Variants in DPP6 observed in about 807,000 individuals in gnomAD.
The protein encoded by DPP6 is dipeptidyl peptidase like 6, also known as A-type potassium channel modulatory protein DPP6.
In DPP6, 69 loss-of-function variants were observed where a neutral mutation model predicts 122.6. The observed-to-expected ratio is 0.56, with a 90% CI of 0.46 to 0.69. The LOEUF (loss-of-function observed/expected upper bound fraction) is 0.69. Among genes scored for constraint, DPP6 ranks in the 30% least tolerant of loss-of-function variants. The pLI is 0.00. For synonymous variants in DPP6, 418 were observed against 433.1 expected, an observed-to-expected ratio of 0.97 and a Z score of 0.43; for missense variants, 928 against 1,116.9, an observed-to-expected ratio of 0.83 and a Z score of 2.41.
intron 1 of DPP6, among the ~76,000 whole-genome samples, chr7:153,960,195 C>T (rs1236174166): frequency 6.6e-6 from 1 of 152,018 alleles, no homozygotes; most frequent in Non-Finnish European, 1.5e-5. Context: ...TAAAATAAGA[C>T]AACAGTGAGG....
rs367912066 is a variant in DPP6 at position 154,631,607 on chromosome 7, C to T, written c.628-6214C>T. The stretch of plus-strand genomic sequence containing the variant: ...ACTTGAGCATGGGAGGCAGTGGTTG[C>T]GGTGAGCCAAGATTGCACCACTGCA... On this transcript the variant is annotated intron_variant, in intron 5 of 25. Coordinates refer to ENST00000377770, the MANE Select transcript of DPP6 (RefSeq NM_130797.4). Among the ~76,000 whole-genome samples, 5 of 150,520 alleles carry T rather than the reference C, an allele frequency of 3.3e-5. No homozygotes were observed. The East Asian group carries it at 5.9e-4, about 18-fold the overall frequency.
chr7:154,414,491 G>A (rs1816858868), intron 1 of DPP6, among the ~76,000 whole-genome samples: 1 of 152,142 alleles, frequency 6.6e-6, no homozygotes, highest in African/African-American at 2.4e-5. Flanking sequence ...AGCTTCTTAA[G>A]CTGAATCCCA....
chr7:153,798,244 T>C, the DPP6 span, among the ~76,000 whole-genome samples: 34 of 152,286 alleles, frequency 2.2e-4, no homozygotes, highest in African/African-American at 7.0e-4. Context: ...TCCCAATGCA[T>C]TGAAGGTTAG....
chr7:153,827,253 C>T, the DPP6 span, among the ~76,000 whole-genome samples: 1 of 152,150 alleles, frequency 6.6e-6, no homozygotes, highest in Non-Finnish European at 1.5e-5. Flanking sequence ...GAATATATAA[C>T]AGTGTATAAA....
At chr7:154,728,625 G>A (rs1842187273) in intron 8 of DPP6, among the ~76,000 whole-genome samples, 1 of 152,162 alleles carries the variant, frequency 6.6e-6, no homozygotes, top group Admixed American at 6.5e-5. Flanking sequence ...TGTTCAGGCT[G>A]CTGTAACAAG....
At chr7:154,046,979 T>A (rs3980035) in intron 1 of DPP6, among the ~76,000 whole-genome samples, 92,106 of 149,818 alleles carry the variant, frequency 0.61, 28,864 homozygotes, top group African/African-American at 0.7. Flanking sequence ...GCAGGATTTA[T>A]TGAGTTGACA....
At chr7:153,935,618 A>G (rs528188245) in intron 1 of DPP6, among the ~76,000 whole-genome samples, 2 of 152,316 alleles carry the variant, frequency 1.3e-5, no homozygotes, top group African/African-American at 4.8e-5. Context: ...CATTTTGTTT[A>G]TCCTTTACAG....
chr7:154,366,526 G>A (rs1812205655), intron 1 of DPP6, among the ~76,000 whole-genome samples: 1 of 152,196 alleles, frequency 6.6e-6, no homozygotes. Flanking sequence ...AAATGCAGGT[G>A]CCTAGCTTGC....
At chr7:153,981,683 G>A (rs529819811) in intron 1 of DPP6, among the ~76,000 whole-genome samples, 2 of 152,262 alleles carry the variant, frequency 1.3e-5, no homozygotes, top group African/African-American at 4.8e-5. Context: ...GCTGTTACTA[G>A]TTTTCCCTTT....
At chr7:153,767,693 A>G in the DPP6 span, among the ~76,000 whole-genome samples, 1 of 152,134 alleles carries the variant, frequency 6.6e-6, no homozygotes, top group Admixed American at 6.5e-5. Flanking sequence ...AAAAAGTGAG[A>G]AACTTTTAAA....
chr7:154,728,046 G>A (rs1453836843), intron 8 of DPP6, among the ~76,000 whole-genome samples, 159 bp downstream of exon 8: 2 of 152,222 alleles, frequency 1.3e-5, no homozygotes, highest in African/African-American at 4.8e-5. Context: ...GAGCTTTTGG[G>A]ATCAGGCTGA....
intron 1 of DPP6, among the ~76,000 whole-genome samples, chr7:153,915,508 G>A (rs2129004987): frequency 6.6e-6 from 1 of 152,304 alleles, no homozygotes; most frequent in Non-Finnish European, 1.5e-5. Flanking sequence ...TTTAAGAATA[G>A]TTTGCTTCTT....
At chr7:154,074,798 A>G (rs928081232) in intron 1 of DPP6, among the ~76,000 whole-genome samples, 53 of 151,818 alleles carry the variant, frequency 3.5e-4, no homozygotes, top group Middle Eastern at 3.2e-3. Flanking sequence ...TCAGTTTATG[A>G]TTGGTATATG....
chr7:154,217,778 T>C (rs1800085680), intron 1 of DPP6, among the ~76,000 whole-genome samples: 1 of 152,158 alleles, frequency 6.6e-6, no homozygotes, highest in South Asian at 2.1e-4. Context: ...TTCCATGTCC[T>C]GCCCAGCTCA....
At chr7:153,983,630 C>T (rs1316990722) in intron 1 of DPP6, among the ~76,000 whole-genome samples, 1 of 151,588 alleles carries the variant, frequency 6.6e-6, no homozygotes, top group Admixed American at 6.6e-5. Context: ...GGTGTCTGCC[C>T]AAATGGCCAC....
chr7:153,995,585 T>A (rs1797387901), intron 1 of DPP6, among the ~76,000 whole-genome samples: 1 of 50,610 alleles, frequency 2.0e-5, no homozygotes, highest in Non-Finnish European at 3.5e-5. Context: ...TGAGACTCCG[T>A]CTCAAAAAAA....
chr7:154,719,713 G>A (rs989515112), intron 7 of DPP6, among the ~76,000 whole-genome samples: 1 of 152,342 alleles, frequency 6.6e-6, no homozygotes, highest in East Asian at 1.9e-4. Flanking sequence ...CAGTTCCCCT[G>A]CCTCCCTTGG....
At chr7:154,885,813 C>A in intron 22 of DPP6, 69 bp downstream of exon 22, 1 of 1,535,122 alleles carries the variant, frequency 6.5e-7, no homozygotes, top group Non-Finnish European at 8.8e-7. Context: ...CCTGCGTGGC[C>A]CCACAGCCCT....
At chr7:154,670,219 C>G (rs1054158661) in intron 7 of DPP6, among the ~76,000 whole-genome samples, 3 of 152,166 alleles carry the variant, frequency 2.0e-5, no homozygotes, top group Non-Finnish European at 2.9e-5. Flanking sequence ...AGGCCAGTCC[C>G]GTCAACATGC....
Sources: allele counts gnomAD v4.1 joint callset (sites outside exome capture counted in the v4.1 genomes callset), GRCh38; gene constraint gnomAD v4.1.1; transcripts MANE v1.5; gene names NCBI Gene and HGNC (gene_info 2026-07-23, HGNC 2026-07-21).